The following ITFG1 variants were observed in gnomAD, a reference collection of about 807,000 sequenced individuals.
ITFG1 encodes the protein T-cell immunomodulatory protein.
Under a neutral mutation model 81.8 loss-of-function variants are expected in ITFG1, and 34 were observed. The ratio of observed to expected loss-of-function variants is 0.42; its 90% CI spans 0.32 to 0.55. The LOEUF is 0.55. Ranked by LOEUF, ITFG1 falls within the 20% of genes least tolerant of loss-of-function variation. The pLI is 0.17. For synonymous variants in ITFG1, 285 were observed against 270.6 expected (o/e 1.05, Z -0.52); for missense variants, 672 against 755.4 (o/e 0.89, Z 1.29).
intron 7 of ITFG1, among the ~76,000 whole-genome samples, chr16:47,374,724 G>T (rs568427395): frequency 1.2e-4 from 18 of 151,894 alleles, no homozygotes; most frequent in Non-Finnish European, 2.5e-4. Flanking sequence ...CATTAAATAA[G>T]TCTTTTTTGA....
chr16:47,370,137 G>A (rs1213507128), intron 7 of ITFG1, among the ~76,000 whole-genome samples: 1 of 152,008 alleles, frequency 6.6e-6, no homozygotes, highest in Non-Finnish European at 1.5e-5. Flanking sequence ...ACTGTGCCTG[G>A]CCTCAATATC....
Position 47,164,037 on chromosome 16 carries a change from G to A in ITFG1, c.1454-1373C>T, listed in dbSNP as rs76452003. Among the ~76,000 whole-genome samples, 10 of 152,030 alleles carry A rather than the reference G, an allele frequency of 6.6e-5. No homozygotes were observed. The East Asian group carries it at 1.7e-3, about 26-fold the overall frequency. The stretch of plus-strand genomic sequence containing the variant: ...TGTCTTTTTATTTTTTTAAAGAGAT[G>A]TGTATTAGCCTACTTTCCTGTTTCT... On this transcript the variant is annotated intron_variant, in intron 14 of 17. Transcript: ENST00000320640.
At chr16:47,429,185 C>T (rs1029989243) in intron 5 of ITFG1, among the ~76,000 whole-genome samples, 24 of 152,210 alleles carry the variant, frequency 1.6e-4, no homozygotes, top group African/African-American at 4.6e-4. Context: ...CTATTCAGGA[C>T]ATTTCACATA....
chr16:47,185,970 T>C (rs1175766346), intron 14 of ITFG1, among the ~76,000 whole-genome samples: 4 of 152,336 alleles, frequency 2.6e-5, no homozygotes, highest in Non-Finnish European at 5.9e-5. Flanking sequence ...CATCAGAGAA[T>C]ACTACAAACA....
intron 12 of ITFG1, among the ~76,000 whole-genome samples, chr16:47,244,578 G>A (rs1965974726): frequency 6.8e-6 from 1 of 146,980 alleles, no homozygotes; most frequent in Non-Finnish European, 1.5e-5. Context: ...ATAATTGCAT[G>A]GTATTCCATC....
At chr16:47,408,561 A>T (rs1386501791) in intron 6 of ITFG1, among the ~76,000 whole-genome samples, 1 of 152,228 alleles carries the variant, frequency 6.6e-6, no homozygotes, top group Non-Finnish European at 1.5e-5. Flanking sequence ...ATATCTCATC[A>T]ATAGACCAGA....
In ITFG1 at chr16:47,155,623, T is replaced by C. The variant is rs1028555112; in HGVS notation, c.*96A>G. On this transcript the variant is annotated 3_prime_UTR_variant, in exon 18 of 18. Transcript: ENST00000320640. ...TAATTACCATGGGATACATCATTTA[T>C]AAATAATATTTAATCTCCCCTATTT... 5.7e-5 allele frequency: 44 copies of C among 767,306 alleles called. No individual in the cohort carries two copies. In the African/African-American group the frequency reaches 6.7e-4, roughly 12 times the overall value. The allele number at this position is 767,306 out of a possible 1,614,324, so 47.5% of individuals were successfully genotyped here. A position where few individuals can be genotyped will look rare whatever the true frequency, so the allele number is the denominator to read the frequency against.
intron 10 of ITFG1, among the ~76,000 whole-genome samples, chr16:47,288,885 G>A (rs1252780966): frequency 6.6e-6 from 1 of 152,120 alleles, no homozygotes; most frequent in Non-Finnish European, 1.5e-5. Context: ...AACAGTGCGA[G>A]ACTCTTAAAA....
intron 13 of ITFG1, among the ~76,000 whole-genome samples, chr16:47,229,308 A>C (rs769375866): frequency 5.3e-5 from 8 of 152,200 alleles, no homozygotes; most frequent in Non-Finnish European, 8.8e-5. Context: ...GGTCACACAG[A>C]GCAAACTAGG....
chr16:47,165,122 A>G (rs1053271977), intron 14 of ITFG1, among the ~76,000 whole-genome samples: 8 of 152,160 alleles, frequency 5.3e-5, no homozygotes, highest in African/African-American at 1.7e-4. Flanking sequence ...CCAATAGTCA[A>G]TCTTTCCCTA....
intron 10 of ITFG1, among the ~76,000 whole-genome samples, chr16:47,274,023 G>A (rs1419221801): frequency 6.6e-6 from 1 of 152,156 alleles, no homozygotes; most frequent in Non-Finnish European, 1.5e-5. Flanking sequence ...TTGGGAGACC[G>A]AGGTAGGTGG....
chr16:47,227,901 T>C (rs1426758254), intron 13 of ITFG1, among the ~76,000 whole-genome samples: 5 of 152,222 alleles, frequency 3.3e-5, no homozygotes, highest in Admixed American at 2.0e-4. Flanking sequence ...GTTTATTTTT[T>C]AAGTGAACAC....
intron 12 of ITFG1, among the ~76,000 whole-genome samples, chr16:47,243,092 A>G (rs925721042): frequency 6.6e-6 from 1 of 152,146 alleles, no homozygotes; most frequent in Admixed American, 6.5e-5. Context: ...ACTATTCATA[A>G]TAAGAGATTG....
rs77238471 is a variant in ITFG1 at position 47,231,602 on chromosome 16, T to G, written c.1374+6363A>C. Among the ~76,000 whole-genome samples the G allele has an allele frequency of 6.4e-4, 98 of 152,316 alleles. No homozygotes were observed. The East Asian group carries it at 0.013, about 19-fold the overall frequency. ...CTGAAACACAAATGGAACACCAACA[T>G]TTCTCAAAATATTTGGAACTTACTA... is the stretch of plus-strand genomic sequence containing the variant. On this transcript the variant is annotated intron_variant, in intron 13 of 17. Coordinates refer to ENST00000320640, the MANE Select transcript of ITFG1 (RefSeq NM_030790.5).
At chr16:47,293,951 AAG>A (rs1966948118) in intron 10 of ITFG1, among the ~76,000 whole-genome samples, 1 of 151,972 alleles carries the variant, frequency 6.6e-6, no homozygotes, top group African/African-American at 2.4e-5. Context: ...TGGTGGCCAG[AAG>A]AGTTTTCTTT....
intron 5 of ITFG1, among the ~76,000 whole-genome samples, chr16:47,437,806 G>T (rs1969187765): frequency 6.6e-6 from 1 of 152,268 alleles, no homozygotes; most frequent in Admixed American, 6.5e-5. Context: ...ATTTCCAACT[G>T]AGGTACCGGG....
At chr16:47,318,859 T>G (rs749194726) in intron 8 of ITFG1, among the ~76,000 whole-genome samples, 17 of 152,212 alleles carry the variant, frequency 1.1e-4, no homozygotes, top group African/African-American at 1.9e-4. Context: ...AATATGTTGT[T>G]TTGGTTGACA....
At chr16:47,274,302 C>T (rs912331902) in intron 10 of ITFG1, among the ~76,000 whole-genome samples, 1 of 151,984 alleles carries the variant, frequency 6.6e-6, no homozygotes, top group African/African-American at 2.4e-5. Flanking sequence ...TCAATCTTAT[C>T]ATCTTGAGAA....
intron 7 of ITFG1, among the ~76,000 whole-genome samples, chr16:47,366,621 A>C: frequency 6.6e-6 from 1 of 152,210 alleles, no homozygotes; most frequent in East Asian, 1.9e-4. Context: ...TTATTACACA[A>C]GAAAAAGAAA....
Sources: gnomAD v4.1 joint callset for allele counts (sites outside exome capture counted in the v4.1 genomes callset) on GRCh38, gnomAD v4.1.1 for gene constraint, MANE v1.5 for transcripts, NCBI Gene and HGNC (gene_info 2026-07-23, HGNC 2026-07-21) for gene names.